DGKK: variants seen among roughly 807,000 people sequenced by gnomAD.
The protein encoded by DGKK is 142 kDa diacylglycerol kinase.
Under a neutral mutation model 92.2 loss-of-function variants are expected in DGKK, and 35 were observed. That is an observed-to-expected ratio of 0.38 (90% CI 0.29 to 0.50). The LOEUF is 0.50. DGKK is among the 20% of genes least tolerant of loss of function. DGKK has a pLI of 0.92. For synonymous variants in DGKK, 368 were observed against 360.6 expected, an observed-to-expected ratio of 1.02 and a Z score of -0.23; for missense variants, 910 against 992.2, an observed-to-expected ratio of 0.92 and a Z score of 1.11.
intron 25 of DGKK, among the ~76,000 whole-genome samples, chrX:50,372,765 G>T (rs1924175464): frequency 8.9e-6 from 1 of 112,400 alleles, no homozygotes; most frequent in Admixed American, 9.4e-5. Context: ...CAGGTGAGAT[G>T]GTTCACATTC....
chrX:50,368,061 T>C lies in DGKK; in HGVS notation c.*879A>G, dbSNP rs1372565901. On this transcript the variant is annotated 3_prime_UTR_variant, in exon 28 of 28. Coordinates refer to ENST00000611977, the MANE Select transcript of DGKK (RefSeq NM_001013742.4). ...GTTGTATTTTCAGCTCTTAAAAATA[T>C]ATATGCGTATGTATATATATATACA... The C allele has an allele frequency of 9.0e-6, 1 of 110,769 alleles. No homozygotes were observed. The highest frequency in any genetic ancestry group is 3.3e-5 in the African/African-American group (1 of 30,281). The allele number at this position is 110,769 out of a possible 1,213,427, so 9.1% of individuals were successfully genotyped here.
At chrX:50,444,672 T>C (rs1926246083) in intron 1 of DGKK, among the ~76,000 whole-genome samples, 1 of 112,245 alleles carries the variant, frequency 8.9e-6, no homozygotes, top group Non-Finnish European at 1.9e-5. Flanking sequence ...ATGTGCTACA[T>C]TTTCTTTATC....
rs1306675764 is a variant in DGKK at position 50,387,540 on chromosome X, G to C, written c.2118+14C>G. On this transcript the variant is annotated intron_variant, in intron 14 of 27. Coordinates refer to ENST00000611977, the MANE Select transcript of DGKK (RefSeq NM_001013742.4). ...CTCCACAAAGAGTATAAGACAAAAGGAATGGGAACTTACTTTCAAAATCAC... is the reference window on the plus strand; with the variant it reads ...CTCCACAAAGAGTATAAGACAAAAGCAATGGGAACTTACTTTCAAAATCAC... 4.3e-6 allele frequency: 5 copies of C among 1,167,980 alleles called. No homozygotes were observed. Among genetic ancestry groups the C allele is most frequent in the Non-Finnish European group, 5.8e-6 (5 of 857,552 alleles).
intron 7 of DGKK, 40 bp from the exon 8 acceptor site, chrX:50,401,179 G>A (rs182319377): frequency 9.5e-7 from 1 of 1,050,577 alleles, no homozygotes; most frequent in Admixed American, 2.6e-5. Flanking sequence ...AAAAGGAGGG[G>A]GAGAGAAAAG....
At chrX:50,414,138 T>C (rs1022440138) in intron 4 of DGKK, among the ~76,000 whole-genome samples, 3 of 111,688 alleles carry the variant, frequency 2.7e-5, no homozygotes, top group African/African-American at 9.8e-5. Flanking sequence ...ATCTCATTTA[T>C]ATATGGAATC....
In DGKK at chrX:50,403,486, C is replaced by G; in HGVS notation, c.1185+5G>C. On this transcript the variant is annotated splice_donor_5th_base_variant and intron_variant, in intron 6 of 27. Transcript: ENST00000611977. The stretch of plus-strand genomic sequence containing the variant: ...CGACTGTGGGAAGACATGGCTAGTA[C>G]TTACTACTTCATCTGCAGGCAGAAG... The G allele has an allele frequency of 8.3e-7, 1 of 1,203,108 alleles. No homozygotes were observed. Among genetic ancestry groups the G allele is most frequent in the Non-Finnish European group, 1.1e-6 (1 of 887,779 alleles).
intron 13 of DGKK, 22 bp downstream of exon 13, chrX:50,388,505 T>A (rs1557225224): frequency 3.5e-5 from 41 of 1,167,997 alleles, no homozygotes; most frequent in Non-Finnish European, 4.4e-5. Flanking sequence ...CCCCAAAGGA[T>A]GAGAGCCAAA....
At chrX:50,464,201 T>C (rs1926835534) in intron 1 of DGKK, among the ~76,000 whole-genome samples, 1 of 108,418 alleles carries the variant, frequency 9.2e-6, no homozygotes, top group Non-Finnish European at 1.9e-5. Flanking sequence ...GACATTGAAG[T>C]ACTTCTTCTC....
chrX:50,393,468 G>A, intron 8 of DGKK, 133 bp from the exon 9 acceptor site: 1 of 519,057 alleles, frequency 1.9e-6, no homozygotes, highest in East Asian at 3.7e-5. Context: ...GAGGAGCAGA[G>A]GAAAAGTCAA....
In DGKK at chrX:50,393,256, G is replaced by C. The variant is rs1557225758; in HGVS notation, c.1491C>G (p.Asn497Lys). ...ACSCPLLIFI[N>K]SKSGDHQGIV... ...TCCCCTGATGATCGCCACTTTTGGAGTTGATGAAGATGAGCAAGGGACATG... is the reference window on the plus strand; with the variant it reads ...TCCCCTGATGATCGCCACTTTTGGACTTGATGAAGATGAGCAAGGGACATG... Residue 497 changes from asparagine to lysine, a missense_variant, in exon 9 of 28, where the codon AAC becomes AAG. Transcript: ENST00000611977. The C allele has an allele frequency of 8.3e-7, 1 of 1,210,387 alleles. No individual in the cohort carries two copies. The highest frequency in any genetic ancestry group is 1.8e-5 in the South Asian group (1 of 56,747).
At chrX:50,421,872 A>G (rs1557229186) in intron 3 of DGKK, among the ~76,000 whole-genome samples, 2 of 111,841 alleles carry the variant, frequency 1.8e-5, no homozygotes, top group South Asian at 7.5e-4. Context: ...GGAGGTGGGT[A>G]GGAGAATTCC....
At chrX:50,460,464 G>A (rs918457536) in intron 1 of DGKK, among the ~76,000 whole-genome samples, 1 of 111,320 alleles carries the variant, frequency 9.0e-6, no homozygotes. Context: ...TGGGTGGGGA[G>A]CATTAAGCAT....
intron 1 of DGKK, among the ~76,000 whole-genome samples, chrX:50,468,094 C>T (rs1228908113): frequency 2.7e-5 from 3 of 112,044 alleles, no homozygotes; most frequent in Non-Finnish European, 5.6e-5. Flanking sequence ...GTGGGCACTA[C>T]GTAGAGGAAA....
At chrX:50,375,629 C>A (rs1448796111) in intron 24 of DGKK, among the ~76,000 whole-genome samples, 4 of 112,052 alleles carry the variant, frequency 3.6e-5, no homozygotes, top group African/African-American at 9.7e-5. Context: ...ATGGACCTTT[C>A]CCTCAAGAGG....
rs143956912 is a variant in DGKK at position 50,397,549 on chromosome X, C to T, written c.1411+3488G>A. On this transcript the variant is annotated intron_variant, in intron 8 of 27. Transcript: ENST00000611977. ...CAACATCTGGGACTTGTTAGAGATG[C>T]AATTTCCTGGGCCCCACCCAGATCT... 2.1e-3 allele frequency among the ~76,000 whole-genome samples: 235 copies of T among 111,784 alleles called. 6 individuals are homozygous for T. In the East Asian group the frequency reaches 0.052, roughly 25 times the overall value.
intron 24 of DGKK, 88 bp downstream of exon 24, chrX:50,375,936 C>T (rs1488463862): frequency 2.8e-5 from 30 of 1,063,542 alleles, no homozygotes; most frequent in Non-Finnish European, 3.8e-5. Context: ...CCAGTTTCTC[C>T]GTCCAGCCTC....
Sources: allele counts gnomAD v4.1 joint callset (sites outside exome capture counted in the v4.1 genomes callset), GRCh38; gene constraint gnomAD v4.1.1; transcripts MANE v1.5; gene names NCBI Gene and HGNC (gene_info 2026-07-23, HGNC 2026-07-21).